Variants in PTBP3 observed in about 807,000 individuals in gnomAD.
PTBP3 encodes the protein polypyrimidine tract-binding protein 3.
Under a neutral mutation model 58.7 loss-of-function variants are expected in PTBP3, and 20 were observed. That is an observed-to-expected ratio of 0.34 (90% CI 0.24 to 0.50). PTBP3 has a LOEUF of 0.50. PTBP3 is among the 20% of genes least tolerant of loss of function. The pLI is 0.98. For missense variants in PTBP3, 509 were observed against 637.2 expected (o/e 0.80, Z 2.17); for synonymous variants, 185 against 219.8 (o/e 0.84, Z 1.40).
intron 8 of PTBP3, among the ~76,000 whole-genome samples, chr9:112,233,481 G>A (rs2066120766): frequency 6.6e-6 from 1 of 151,928 alleles, no homozygotes; most frequent in South Asian, 2.1e-4. Flanking sequence ...ACCTTGAGGA[G>A]CTTCAAATAA....
intron 3 of PTBP3, among the ~76,000 whole-genome samples, chr9:112,273,245 A>G (rs1035888338): frequency 1.3e-5 from 2 of 152,358 alleles, no homozygotes; most frequent in Non-Finnish European, 2.9e-5. Flanking sequence ...ACTGACTTCA[A>G]GTCATTTATA....
chr9:112,233,624 T>C (rs1835333431), intron 8 of PTBP3, among the ~76,000 whole-genome samples: 1 of 151,992 alleles, frequency 6.6e-6, no homozygotes, highest in Admixed American at 6.6e-5. Flanking sequence ...AACTCCATCC[T>C]CTCCATCAAA....
chr9:112,222,683 TA>T lies in PTBP3; in HGVS notation c.*1167del. 1.0e-6 allele frequency: 1 copy of T among 983,912 alleles called. No individual in the cohort carries two copies. Among genetic ancestry groups the T allele is most frequent in the Non-Finnish European group, 1.2e-6 (1 of 828,164 alleles). The allele number at this position is 983,912 out of a possible 1,614,324, so 60.9% of individuals were successfully genotyped here. A position where few individuals can be genotyped will look rare whatever the true frequency, so the allele number is the denominator to read the frequency against. ...CTTAAAATTGCAATGAAAAAAATTT[TA>T]AATCCTTACCAAAACAGAGAAAGAA... On this transcript the variant is annotated 3_prime_UTR_variant, in exon 14 of 14. Coordinates refer to ENST00000374257, the MANE Select transcript of PTBP3 (RefSeq NM_001163788.4).
At chr9:112,249,090 T>C (rs1564404230) in intron 7 of PTBP3, among the ~76,000 whole-genome samples, 1 of 152,100 alleles carries the variant, frequency 6.6e-6, no homozygotes, top group Non-Finnish European at 1.5e-5. Context: ...TTGAATGCTT[T>C]AAAAAATTTT....
intron 2 of PTBP3, 51 bp from the exon 3 acceptor site, chr9:112,276,064 C>T (rs1218676916): frequency 8.1e-6 from 12 of 1,489,736 alleles, no homozygotes; most frequent in Non-Finnish European, 1.0e-5. Context: ...TTTGGGTTGA[C>T]ATACTACATT....
At position 112,323,184 on chromosome 9, in the gene PTBP3, C is replaced by T. The variant is rs1830022065; in HGVS notation, c.-52+10286G>A. On this transcript the variant is annotated intron_variant, in intron 1 of 13. Coordinates refer to ENST00000374257, the MANE Select transcript of PTBP3 (RefSeq NM_001163788.4). ...GGAGGATCACTTGGACCCACACGTT[C>T]AAGGCTGCAGTGAGCTATGATTCAT... 2.0e-5 allele frequency among the ~76,000 whole-genome samples: 3 copies of T among 152,206 alleles called. No individual in the cohort carries two copies. In the South Asian group the frequency reaches 6.2e-4, roughly 31 times the overall value.
chr9:112,320,539 TATATA>T (rs1829906152), intron 1 of PTBP3, among the ~76,000 whole-genome samples: 1 of 151,880 alleles, frequency 6.6e-6, no homozygotes, highest in South Asian at 2.1e-4. Context: ...CAGCTTTGTC[TATATA>T]ATATGACAAG....
intron 5 of PTBP3, among the ~76,000 whole-genome samples, chr9:112,256,447 A>G (rs1836368434): frequency 6.6e-6 from 1 of 151,828 alleles, no homozygotes; most frequent in Admixed American, 6.6e-5. Flanking sequence ...AATTCCTGAC[A>G]TGTAAGAGAT....
At chr9:112,341,142 G>C in the PTBP3 span, among the ~76,000 whole-genome samples, 1 of 151,728 alleles carries the variant, frequency 6.6e-6, no homozygotes, top group East Asian at 1.9e-4. Flanking sequence ...GTTTTGTTTT[G>C]TTTGTTGAGT....
At chr9:112,248,970 G>A (rs1396496361) in intron 7 of PTBP3, among the ~76,000 whole-genome samples, 1 of 152,200 alleles carries the variant, frequency 6.6e-6, no homozygotes, top group Non-Finnish European at 1.5e-5. Flanking sequence ...GAATATGGAT[G>A]AATCACCAAA....
At chr9:112,351,821 A>G in the PTBP3 span, among the ~76,000 whole-genome samples, 3 of 152,172 alleles carry the variant, frequency 2.0e-5, no homozygotes, top group East Asian at 1.9e-4. Context: ...CCCCTCATCA[A>G]TGTGGGGGTT....
chr9:112,232,277 T>C (rs376519030), intron 8 of PTBP3, 39 bp from the exon 9 acceptor site: 44 of 1,512,336 alleles, frequency 2.9e-5, no homozygotes, highest in Non-Finnish European at 3.2e-5. Flanking sequence ...TTCTAATTAT[T>C]TGAAGAACTG....
Position 112,227,487 on chromosome 9 carries a change from G to A in PTBP3, c.1288C>T (p.Arg430Cys), listed in dbSNP as rs1835034148. ...TKDFSNSPLH[R>C]FKKPGSKNFQ... ...TTTTTAGAGCCCGGCTTTTTAAAGC[G>A]ATGCAAAGGACTATTGCTGAAATCC... Residue 430 changes from arginine (R) to cysteine (C), a missense_variant, in exon 12 of 14, where the codon CGC becomes TGC. Physicochemically the swap from Arg to Cys is radical, Grantham distance 180 (BLOSUM62 -3). This residue lies in a region of PTBP3 where 135 missense variants were observed against 229.0 expected (regional missense o/e 0.59). Transcript: ENST00000374257. The A allele has an allele frequency of 6.2e-7, 1 of 1,613,842 alleles. No individual in the cohort carries two copies. The highest frequency in any genetic ancestry group is 1.7e-5 in the Admixed American group (1 of 59,978).
chr9:112,250,783 G>A, intron 7 of PTBP3, 146 bp downstream of exon 7: 2 of 641,684 alleles, frequency 3.1e-6, no homozygotes, highest in East Asian at 6.4e-5. Flanking sequence ...TTAATTAATG[G>A]GTATACTTTG....
At chr9:112,350,707 C>A in the PTBP3 span, among the ~76,000 whole-genome samples, 1 of 152,178 alleles carries the variant, frequency 6.6e-6, no homozygotes, top group Admixed American at 6.5e-5. Context: ...TTGGCATAAA[C>A]AACAAACATT....
chr9:112,287,721 T>G (rs1828207062), intron 2 of PTBP3, among the ~76,000 whole-genome samples: 1 of 152,242 alleles, frequency 6.6e-6, no homozygotes, highest in Non-Finnish European at 1.5e-5. Context: ...GAATACAATG[T>G]GCTATGAATG....
intron 1 of PTBP3, among the ~76,000 whole-genome samples, chr9:112,313,684 T>C (rs1303744078): frequency 6.6e-6 from 1 of 152,190 alleles, no homozygotes; most frequent in Non-Finnish European, 1.5e-5. Flanking sequence ...ACTTACAACA[T>C]GGCAGCTCAC....
At chr9:112,338,398 C>T (rs949763076), upstream of PTBP3, among the ~76,000 whole-genome samples, 8 of 152,154 alleles carry the variant, frequency 5.3e-5, no homozygotes, top group Non-Finnish European at 1.0e-4. Context: ...AATACAGTTA[C>T]TAAGATGTTA....
intron 13 of PTBP3, 38 bp downstream of exon 13, chr9:112,224,094 TA>T (rs1322050226): frequency 6.4e-7 from 1 of 1,552,298 alleles, no homozygotes; most frequent in East Asian, 2.2e-5. Flanking sequence ...CATACCATAT[TA>T]AATAATTTTA....
Sources: allele counts gnomAD v4.1 joint callset (sites outside exome capture counted in the v4.1 genomes callset), GRCh38; gene constraint gnomAD v4.1.1; regional missense constraint gnomAD v4.1.1; transcripts MANE v1.5; gene names NCBI Gene and HGNC (gene_info 2026-07-23, HGNC 2026-07-21).